The following TP53BP1 variants were observed in gnomAD, a reference collection of about 807,000 sequenced individuals.
TP53BP1 encodes tumor protein p53 binding protein 1, also known as TP53-binding protein 1.
TP53BP1 carries 61 observed loss-of-function variants against 200.8 expected under a neutral mutation model. That is an observed-to-expected ratio of 0.30 (90% CI 0.25 to 0.38). TP53BP1 has a LOEUF of 0.38. TP53BP1 is among the 10% of genes least tolerant of loss of function. The pLI is 1.00. For synonymous variants in TP53BP1, 822 were observed against 844.3 expected, an observed-to-expected ratio of 0.97 and a Z score of 0.46; for missense variants, 2,144 against 2,371.9, an observed-to-expected ratio of 0.90 and a Z score of 2.00.
chr15:43,438,157 G>A (rs2045843391), intron 16 of TP53BP1, among the ~76,000 whole-genome samples, 167 bp downstream of exon 16: 1 of 152,228 alleles, frequency 6.6e-6, no homozygotes, highest in East Asian at 1.9e-4. Flanking sequence ...GTCAACTTCT[G>A]TAGCTTTATA....
chr15:43,438,258 G>C (rs1308393294), intron 16 of TP53BP1, 66 bp downstream of exon 16: 4 of 1,398,798 alleles, frequency 2.9e-6, no homozygotes, highest in Non-Finnish European at 4.0e-6. Context: ...GTACATATTA[G>C]GATTTGGGCA....
At position 43,405,122 on chromosome 15, in the gene TP53BP1, A is replaced by C. The variant is rs182183410; in HGVS notation, c.*2261T>G. The C allele has an allele frequency of 2.3e-5, 34 of 1,500,932 alleles. No homozygotes were observed. In the African/African-American group the frequency reaches 3.9e-4, roughly 17 times the overall value. 93.0% of individuals were successfully genotyped at this position (1,500,932 alleles called of 1,614,324 possible). On this transcript the variant is annotated 3_prime_UTR_variant, in exon 28 of 28. Coordinates refer to ENST00000382044, the MANE Select transcript of TP53BP1 (RefSeq NM_001141980.3). ...TTTAAGATGACATTATTTAGATCAC[A>C]GGTTATCCTGATTCATATTTCTTTG...
At chr15:43,413,573 T>C (rs1382039137) in intron 23 of TP53BP1, among the ~76,000 whole-genome samples, 1 of 152,250 alleles carries the variant, frequency 6.6e-6, no homozygotes, top group African/African-American at 2.4e-5. Context: ...ACAGTCATGA[T>C]AATGTATACA....
At chr15:43,484,678 G>A (rs1219235699) in intron 4 of TP53BP1, among the ~76,000 whole-genome samples, 1 of 151,774 alleles carries the variant, frequency 6.6e-6, no homozygotes, top group Non-Finnish European at 1.5e-5. Flanking sequence ...CATGCCTCAG[G>A]GTCTTTGAAC....
chr15:43,456,035 G>A lies in TP53BP1; in HGVS notation c.2573C>T (p.Pro858Leu), dbSNP rs1163372220. 1.9e-6 allele frequency: 3 copies of A among 1,614,120 alleles called. No homozygotes were observed. The highest frequency in any genetic ancestry group is 2.5e-6 in the Non-Finnish European group (3 of 1,180,026). Residue 858 changes from proline (P) to leucine (L), a missense_variant, in exon 12 of 28, where the codon CCC becomes CTC. Pro to Leu is a moderately conservative substitution (Grantham distance 98). Transcript: ENST00000382044. Reference sequence around the variant, plus strand: ...ATTACTTGTTTTCTCCTGAGTTTGGGGCTGCTGCAACTCCTGGTCAAGTCT... The same window carrying A: ...ATTACTTGTTTTCTCCTGAGTTTGGAGCTGCTGCAACTCCTGGTCAAGTCT... Reference protein sequence around the residue: ...PLRLDQELQQPQTQEKTSNSL... With the variant: ...PLRLDQELQQLQTQEKTSNSL...
chr15:43,466,695 A>G (rs1380349171), intron 11 of TP53BP1, among the ~76,000 whole-genome samples: 3 of 152,114 alleles, frequency 2.0e-5, no homozygotes, highest in Non-Finnish European at 4.4e-5. Context: ...CATCTCTACA[A>G]AAAAATTTTT....
chr15:43,448,563 G>A (rs970853951), intron 12 of TP53BP1, among the ~76,000 whole-genome samples: 4 of 148,516 alleles, frequency 2.7e-5, no homozygotes, highest in Admixed American at 1.3e-4. Context: ...TTTTTGAGAC[G>A]GAGTCTGGCT....
At chr15:43,441,624 C>T in intron 14 of TP53BP1, 41 bp from the exon 15 acceptor site, 1 of 1,446,832 alleles carries the variant, frequency 6.9e-7, no homozygotes, top group East Asian at 2.3e-5. Context: ...GAAAGAGAAA[C>T]AGAATTTAGT....
In TP53BP1 at chr15:43,413,034, A is replaced by C. The variant is rs2045163267; in HGVS notation, c.5305+85T>G. Reference sequence around the variant, plus strand: ...TACTTGCCTTGCCTCCTCTACATACAACAGGGGGACCACCAGCTCATAAGT... The same window carrying C: ...TACTTGCCTTGCCTCCTCTACATACCACAGGGGGACCACCAGCTCATAAGT... On this transcript the variant is annotated intron_variant, in intron 24 of 27. Coordinates refer to ENST00000382044, the MANE Select transcript of TP53BP1 (RefSeq NM_001141980.3). 2.2e-6 allele frequency: 3 copies of C among 1,357,728 alleles called. No homozygotes were observed. The Admixed American group carries it at 5.7e-5, about 26-fold the overall frequency. The allele number at this position is 1,357,728 out of a possible 1,614,324, so 84.1% of individuals were successfully genotyped here.
chr15:43,473,363 T>C (rs2046774648), intron 10 of TP53BP1, among the ~76,000 whole-genome samples: 2 of 152,176 alleles, frequency 1.3e-5, no homozygotes, highest in South Asian at 4.1e-4. Flanking sequence ...AGGGGGCTGA[T>C]TGGTGCATTT....
chr15:43,464,623 G>C (rs926296567), intron 11 of TP53BP1, among the ~76,000 whole-genome samples: 4 of 152,126 alleles, frequency 2.6e-5, no homozygotes, highest in Admixed American at 1.3e-4. Context: ...AGGAATGAAG[G>C]CCAGGCGTGG....
chr15:43,500,573 A>C (rs2079204430), intron 1 of TP53BP1, among the ~76,000 whole-genome samples: 1 of 152,016 alleles, frequency 6.6e-6, no homozygotes, highest in African/African-American at 2.4e-5. Flanking sequence ...AAATCCCAGC[A>C]CTTTGGGAGG....
chr15:43,480,130 G>T, intron 5 of TP53BP1, 113 bp from the exon 6 acceptor site: 1 of 921,904 alleles, frequency 1.1e-6, no homozygotes, highest in Non-Finnish European at 1.6e-6. Flanking sequence ...AAAGCCCTGT[G>T]CACCCCCCAA....
At chr15:43,416,569 C>T in intron 21 of TP53BP1, 153 bp from the exon 22 acceptor site, 1 of 634,222 alleles carries the variant, frequency 1.6e-6, no homozygotes, top group Admixed American at 3.1e-5. Flanking sequence ...GTTGTCAATC[C>T]CAAACAGTAA....
intron 11 of TP53BP1, among the ~76,000 whole-genome samples, chr15:43,467,316 G>A (rs1478322939): frequency 2.0e-5 from 3 of 151,904 alleles, no homozygotes; most frequent in African/African-American, 7.3e-5. Flanking sequence ...CTCCCACCTC[G>A]GCCTCCCAAA....
At chr15:43,487,820 A>G (rs1412443136) in intron 4 of TP53BP1, among the ~76,000 whole-genome samples, 3 of 152,040 alleles carry the variant, frequency 2.0e-5, no homozygotes, top group Non-Finnish European at 4.4e-5. Context: ...CCTGTTCATA[A>G]ATGCTTATAA....
chr15:43,498,428 G>T (rs1401651389), intron 1 of TP53BP1, among the ~76,000 whole-genome samples: 1 of 152,082 alleles, frequency 6.6e-6, no homozygotes, highest in Non-Finnish European at 1.5e-5. Flanking sequence ...CACTTTAATT[G>T]TATTCTTGCC....
chr15:43,447,139 G>A, intron 13 of TP53BP1: 1 of 525,246 alleles, frequency 1.9e-6, no homozygotes, highest in Non-Finnish European at 3.4e-6. Context: ...ATTCTTTTAA[G>A]TATTCTCTTT....
intron 17 of TP53BP1, among the ~76,000 whole-genome samples, chr15:43,428,844 TATG>T (rs1295804134): frequency 3.3e-5 from 5 of 152,220 alleles, no homozygotes; most frequent in Non-Finnish European, 5.9e-5. Flanking sequence ...CCCTACTTTT[TATG>T]ATAACTATTA....
Sources: allele counts gnomAD v4.1 joint callset (sites outside exome capture counted in the v4.1 genomes callset), GRCh38; gene constraint gnomAD v4.1.1; transcripts MANE v1.5; gene names NCBI Gene and HGNC (gene_info 2026-07-23, HGNC 2026-07-21).